OCA2: variants seen among roughly 807,000 people sequenced by gnomAD.
OCA2 encodes OCA2 melanosomal transmembrane protein.
A neutral mutation model predicts 100.2 loss-of-function variants in OCA2; 77 were observed. The ratio of observed to expected loss-of-function variants is 0.77; its 90% CI spans 0.64 to 0.93. OCA2 has a LOEUF of 0.93. Ranked by LOEUF, OCA2 falls within the 40% of genes least tolerant of loss-of-function variation. The probability of loss-of-function intolerance (pLI) is 0.00; values close to 1 mark genes in which losing one functional copy is unlikely to be tolerated. For missense variants in OCA2, 1,062 were observed against 1,089.1 expected (o/e 0.98, Z 0.35); for synonymous variants, 432 against 439.2 (o/e 0.98, Z 0.21).
At chr15:27,905,539 C>G (rs1270927575) in intron 19 of OCA2, among the ~76,000 whole-genome samples, 4 of 152,160 alleles carry the variant, frequency 2.6e-5, no homozygotes, top group African/African-American at 9.7e-5. Context: ...GTGAGAGGAG[C>G]AGGAGCACAG....
intron 23 of OCA2, among the ~76,000 whole-genome samples, chr15:27,790,942 C>T (rs1468000131): frequency 6.6e-6 from 1 of 151,854 alleles, no homozygotes; most frequent in African/African-American, 2.4e-5. Flanking sequence ...GTGTGTGCCA[C>T]CATGCCCAGC....
At chr15:28,037,095 A>C (rs1181422894) in intron 2 of OCA2, among the ~76,000 whole-genome samples, 1 of 152,128 alleles carries the variant, frequency 6.6e-6, no homozygotes, top group Non-Finnish European at 1.5e-5. Flanking sequence ...GCAGGCAGGA[A>C]GGTCGAGAGC....
chr15:27,737,539 C>A, the OCA2 span, among the ~76,000 whole-genome samples: 1 of 152,002 alleles, frequency 6.6e-6, no homozygotes, highest in Admixed American at 6.6e-5. Context: ...ACTGAATATC[C>A]ATACCAAAAA....
chr15:28,004,214 G>C (rs1322011444), intron 9 of OCA2, among the ~76,000 whole-genome samples: 3 of 147,278 alleles, frequency 2.0e-5, no homozygotes, highest in African/African-American at 5.4e-5. Flanking sequence ...GACAGCAGAA[G>C]CTGCCGGCCC....
intron 5 of OCA2, among the ~76,000 whole-genome samples, chr15:28,023,897 G>T (rs1217042829): frequency 1.3e-5 from 2 of 152,008 alleles, no homozygotes; most frequent in Non-Finnish European, 1.5e-5. Context: ...CAGGCACAGG[G>T]GACCATACAC....
intron 23 of OCA2, among the ~76,000 whole-genome samples, chr15:27,838,990 T>TG (rs1356221526): frequency 6.6e-6 from 1 of 151,602 alleles, no homozygotes; most frequent in Non-Finnish European, 1.5e-5. Flanking sequence ...CATAGAACAA[T>TG]GGGGGGTGGA....
chr15:27,817,603 C>G (rs1282191485), intron 23 of OCA2, among the ~76,000 whole-genome samples: 1 of 152,122 alleles, frequency 6.6e-6, no homozygotes, highest in Non-Finnish European at 1.5e-5. Flanking sequence ...TTTCCAGCCC[C>G]TCACCCTCCA....
At chr15:27,938,658 C>T (rs1019812139) in intron 18 of OCA2, among the ~76,000 whole-genome samples, 3 of 152,192 alleles carry the variant, frequency 2.0e-5, no homozygotes, top group Non-Finnish European at 4.4e-5. Flanking sequence ...CAGACACAGA[C>T]ACAGAGGCAG....
chr15:27,727,942 G>A, the OCA2 span, among the ~76,000 whole-genome samples: 2 of 152,160 alleles, frequency 1.3e-5, no homozygotes, highest in African/African-American at 2.4e-5. Context: ...GCCCTGGCAC[G>A]AGGACATGGA....
intron 23 of OCA2, among the ~76,000 whole-genome samples, chr15:27,762,780 C>G (rs557580878): frequency 6.6e-6 from 1 of 152,326 alleles, no homozygotes; most frequent in South Asian, 2.1e-4. Context: ...TGGACCTTGT[C>G]TAAAAACGGT....
At chr15:27,803,283 T>A (rs1167335788) in intron 23 of OCA2, among the ~76,000 whole-genome samples, 1 of 152,208 alleles carries the variant, frequency 6.6e-6, no homozygotes, top group Non-Finnish European at 1.5e-5. Context: ...TGTACACTCA[T>A]CTTCATAGCA....
chr15:28,018,062 C>T (rs1003995664), intron 7 of OCA2, among the ~76,000 whole-genome samples: 2 of 150,044 alleles, frequency 1.3e-5, no homozygotes, highest in South Asian at 2.1e-4. Context: ...TGAACCCTGA[C>T]GTAAGGCCCG....
At chr15:28,029,598 T>C (rs539835010) in intron 3 of OCA2, among the ~76,000 whole-genome samples, 1 of 152,316 alleles carries the variant, frequency 6.6e-6, no homozygotes, top group South Asian at 2.1e-4. Context: ...AATTTTTAAT[T>C]TTAATTAATT....
intron 15 of OCA2, 40 bp downstream of exon 15, chr15:27,966,650 C>A: frequency 1.2e-6 from 2 of 1,610,918 alleles, no homozygotes; most frequent in South Asian, 2.2e-5. Context: ...ATATTATGGT[C>A]ATGAAATCTG....
At chr15:27,906,180 G>A (rs1304996003) in intron 19 of OCA2, among the ~76,000 whole-genome samples, 2 of 152,130 alleles carry the variant, frequency 1.3e-5, no homozygotes, top group Non-Finnish European at 2.9e-5. Flanking sequence ...GAAAGGACTT[G>A]GAATGTTCCC....
chr15:27,749,829 CAA>C, the OCA2 span, among the ~76,000 whole-genome samples: 1 of 152,016 alleles, frequency 6.6e-6, no homozygotes, highest in Non-Finnish European at 1.5e-5. Context: ...TGAAAGAAAC[CAA>C]AAGAGACCTA....
At chr15:28,086,622 T>C (rs915412686) in intron 1 of OCA2, among the ~76,000 whole-genome samples, 81 of 151,954 alleles carry the variant, frequency 5.3e-4, no homozygotes, top group African/African-American at 1.4e-3. Flanking sequence ...TGAAAGAAAA[T>C]AGATGATGAC....
chr15:27,922,678 G>GTGTGT (rs1555432580), intron 19 of OCA2, among the ~76,000 whole-genome samples: 1 of 98,940 alleles, frequency 1.0e-5, no homozygotes, highest in East Asian at 6.6e-4. Flanking sequence ...TTTTTTGTTT[G>GTGTGT]GGGTGTGTGT....
intron 23 of OCA2, among the ~76,000 whole-genome samples, chr15:27,791,886 AT>A (rs201326894): frequency 0.012 from 1,790 of 152,254 alleles, 28 homozygotes; most frequent in African/African-American, 0.042. Context: ...ATGTTTTATG[AT>A]GGAGTGGAGC....
Sources: gnomAD v4.1 joint callset for allele counts (sites outside exome capture counted in the v4.1 genomes callset) on GRCh38, gnomAD v4.1.1 for gene constraint, MANE v1.5 for transcripts, NCBI Gene and HGNC (gene_info 2026-07-23, HGNC 2026-07-21) for gene names.